Variants in CDC7 observed in about 807,000 individuals in gnomAD.
CDC7 encodes cell division cycle 7.
In CDC7, 34 loss-of-function variants were observed where a neutral mutation model predicts 53.5. The ratio of observed to expected loss-of-function variants is 0.64; its 90% CI spans 0.48 to 0.85. The LOEUF is 0.85. CDC7 is among the 40% of genes least tolerant of loss of function. The pLI is 0.00. For synonymous variants in CDC7, 211 were observed against 222.8 expected (o/e 0.95, Z 0.47); for missense variants, 594 against 679.7 (o/e 0.87, Z 1.40).
intron 11 of CDC7, among the ~76,000 whole-genome samples, chr1:91,523,573 C>T (rs993363589): frequency 1.3e-5 from 2 of 152,106 alleles, no homozygotes; most frequent in African/African-American, 4.8e-5. Context: ...GGTGTCAAGC[C>T]TCAGAGGTGA....
chr1:91,515,446 A>G (rs1057186685), intron 9 of CDC7, among the ~76,000 whole-genome samples: 1 of 152,130 alleles, frequency 6.6e-6, no homozygotes, highest in African/African-American at 2.4e-5. Flanking sequence ...TCAAATATAT[A>G]AGTGTATCTG....
chr1:91,503,604 A>T (rs1666821550), intron 2 of CDC7, among the ~76,000 whole-genome samples: 1 of 152,210 alleles, frequency 6.6e-6, no homozygotes, highest in Non-Finnish European at 1.5e-5. Context: ...ATAAAGTAAA[A>T]TACTTAGTGT....
rs1288237017 is a variant in CDC7, at chr1:91,513,252, T to A, written c.767T>A (p.Val256Asp). 6.2e-7 allele frequency: 1 copy of A among 1,613,522 alleles called. No homozygotes were observed. Among genetic ancestry groups the A allele is most frequent in the East Asian group, 2.2e-5 (1 of 44,872 alleles). Residue 256 changes from valine (V) to aspartate (D), a missense_variant, in exon 7 of 12, where the codon GTT (valine) becomes GAT (aspartate). Physicochemically the swap from Val to Asp is radical, Grantham distance 152. Transcript: ENST00000234626. The stretch of plus-strand genomic sequence containing the variant: ...CAGCAGTCCACCACAAAAGCTTCTG[T>A]TAAAAGACCCTACACAAATGCACAA... ...LDQQSTTKAS[V>D]KRPYTNAQIQ...
chr1:91,513,249 C>T lies in CDC7; in HGVS notation c.764C>T (p.Ser255Phe), dbSNP rs767565802. The change falls in exon 7 of 12, where the codon TCT becomes TTT. Residue 255 changes from serine to phenylalanine, a missense_variant. Physicochemically the swap from Ser to Phe is radical, Grantham distance 155 (BLOSUM62 -2). Transcript: ENST00000234626. ...ELDQQSTTKA[S>F]VKRPYTNAQI... Reference sequence around the variant, plus strand: ...GATCAGCAGTCCACCACAAAAGCTTCTGTTAAAAGACCCTACACAAATGCA... The same window carrying T: ...GATCAGCAGTCCACCACAAAAGCTTTTGTTAAAAGACCCTACACAAATGCA... 24 of 1,613,186 alleles carry T rather than the reference C, an allele frequency of 1.5e-5. No homozygotes were observed. The highest frequency in any genetic ancestry group is 1.8e-5 in the Non-Finnish European group (21 of 1,179,380).
intron 2 of CDC7, among the ~76,000 whole-genome samples, chr1:91,505,866 G>A (rs969086669): frequency 1.3e-5 from 2 of 152,196 alleles, no homozygotes; most frequent in East Asian, 3.8e-4. Context: ...TAAGTGAGTA[G>A]TGGTGTGGAA....
At position 91,513,050 on chromosome 1, in the gene CDC7, T is replaced by A. The variant is rs1557593444; in HGVS notation, c.573-8T>A. 1 of 1,610,374 alleles carries A rather than the reference T, an allele frequency of 6.2e-7. No homozygotes were observed. Among genetic ancestry groups the A allele is most frequent in the Middle Eastern group, 1.7e-4 (1 of 6,028 alleles). On this transcript the variant is annotated splice_region_variant and splice_polypyrimidine_tract_variant and intron_variant, in intron 6 of 11. Transcript: ENST00000234626. ...AGATAAGTAAAAATGCTTAATTTTG[T>A]CTCTTAGGTATGCCTTGGTAGACTT... is the stretch of plus-strand genomic sequence containing the variant.
In CDC7 at chr1:91,508,296, GT is replaced by G; in HGVS notation, c.236del (p.Leu79TyrfsTer3). ...FSSVYLATAQ[L>X]QVGPEEKIAL... ...GCTCTGTTTATTTGGCCACAGCACA[GT>G]TACAAGTAGGACCTGAAGAGAAAAT... On this transcript the variant is annotated frameshift_variant, in exon 4 of 12. Coordinates refer to ENST00000234626, the MANE Select transcript of CDC7 (RefSeq NM_003503.4). LOFTEE classifies it high-confidence loss of function. 6.2e-7 allele frequency: 1 copy of G among 1,612,136 alleles called. No individual in the cohort carries two copies. Among genetic ancestry groups the G allele is most frequent in the Non-Finnish European group, 8.5e-7 (1 of 1,178,882 alleles).
In CDC7 at chr1:91,501,838, G is replaced by A; in HGVS notation, c.115+7G>A. ...CAGAATTTTAAACTTGCAGGTACGTGTTTAAATCCAAAGATGTACAGTTAT... is the reference window on the plus strand; with the variant it reads ...CAGAATTTTAAACTTGCAGGTACGTATTTAAATCCAAAGATGTACAGTTAT... On this transcript the variant is annotated splice_region_variant and intron_variant, in intron 2 of 11. Transcript: ENST00000234626. 1 of 1,588,866 alleles carries A rather than the reference G, an allele frequency of 6.3e-7. No individual in the cohort carries two copies. The highest frequency in any genetic ancestry group is 8.6e-7 in the Non-Finnish European group (1 of 1,157,014).
At chr1:91,504,952 T>C (rs1666906208) in intron 2 of CDC7, among the ~76,000 whole-genome samples, 1 of 151,782 alleles carries the variant, frequency 6.6e-6, no homozygotes, top group Non-Finnish European at 1.5e-5. Flanking sequence ...AGACAGAGAG[T>C]AAACAAAAGA....
intron 2 of CDC7, among the ~76,000 whole-genome samples, chr1:91,503,619 G>T (rs901619918): frequency 3.3e-5 from 5 of 152,156 alleles, no homozygotes; most frequent in African/African-American, 1.2e-4. Context: ...TAGTGTAATG[G>T]ATGAATAGCA....
Position 91,513,238 on chromosome 1 carries a change from C to T in CDC7, c.753C>T (p.Thr251=), listed in dbSNP as rs1667374541. 6.2e-7 allele frequency: 1 copy of T among 1,613,170 alleles called. No homozygotes were observed. ...CTAAGGAGCTGGATCAGCAGTCCAC[C>T]ACAAAAGCTTCTGTTAAAAGACCCT... The part of the protein sequence containing the change: ...PVPKELDQQS[T]TKASVKRPYT... Residue 251 remains threonine, a synonymous_variant, in exon 7 of 12, where the codon ACC becomes ACT. Transcript: ENST00000234626.
chr1:91,516,408 T>C (rs1667562029), intron 10 of CDC7, among the ~76,000 whole-genome samples: 1 of 152,182 alleles, frequency 6.6e-6, no homozygotes, highest in Non-Finnish European at 1.5e-5. Flanking sequence ...ACCATGGAGC[T>C]GGAATCCAGG....
chr1:91,501,667 C>A lies in CDC7; in HGVS notation c.-50C>A, dbSNP rs755240536. 1 of 1,303,208 alleles carries A rather than the reference C, an allele frequency of 7.7e-7. No individual in the cohort carries two copies. The highest frequency in any genetic ancestry group is 2.3e-5 in the East Asian group (1 of 43,452). 80.7% of individuals were successfully genotyped at this position (1,303,208 alleles called of 1,614,324 possible). On this transcript the variant is annotated 5_prime_UTR_variant, in exon 2 of 12. Coordinates refer to ENST00000234626, the MANE Select transcript of CDC7 (RefSeq NM_003503.4). Reference sequence around the variant, plus strand: ...TAATTTTCACAGCTGCTTTGCTCCCCCTGTGGATGTAACCCCTTAGCTGGC... The same window carrying A: ...TAATTTTCACAGCTGCTTTGCTCCCACTGTGGATGTAACCCCTTAGCTGGC...
At chr1:91,511,302 T>G (rs544798222) in intron 4 of CDC7, among the ~76,000 whole-genome samples, 1 of 152,276 alleles carries the variant, frequency 6.6e-6, no homozygotes, top group Non-Finnish European at 1.5e-5. Context: ...CCATCTTATC[T>G]GCTAAGTCTT....
At position 91,501,692 on chromosome 1, in the gene CDC7, C is replaced by T. The variant is rs926982856; in HGVS notation, c.-25C>T. ...CCTGTGGATGTAACCCCTTAGCTGG[C>T]ATTTTGCATCTCAATTGGCTTGTGA... On this transcript the variant is annotated 5_prime_UTR_variant, in exon 2 of 12. Transcript: ENST00000234626. 13 of 1,546,674 alleles carry T rather than the reference C, an allele frequency of 8.4e-6. No homozygotes were observed. The highest frequency in any genetic ancestry group is 1.2e-5 in the Non-Finnish European group (13 of 1,119,714).
intron 9 of CDC7, 90 bp downstream of exon 9, chr1:91,515,087 G>A (rs1452027767): frequency 3.1e-6 from 3 of 963,600 alleles, no homozygotes; most frequent in East Asian, 5.0e-5. Flanking sequence ...GAGTGCAAGG[G>A]ATCAGTTCAG....
At chr1:91,505,634 A>G (rs1666946452) in intron 2 of CDC7, among the ~76,000 whole-genome samples, 1 of 152,182 alleles carries the variant, frequency 6.6e-6, no homozygotes, top group South Asian at 2.1e-4. Context: ...CCAGTCCTCA[A>G]AGTCTGTTTC....
At chr1:91,510,243 T>A (rs1054169466) in intron 4 of CDC7, among the ~76,000 whole-genome samples, 16 of 152,190 alleles carry the variant, frequency 1.1e-4, no homozygotes, top group Middle Eastern at 6.8e-3. Flanking sequence ...AAGAGTGACA[T>A]TGCTTGAAAG....
intron 11 of CDC7, 116 bp from the exon 12 acceptor site, chr1:91,523,925 T>TCC (rs1364167901): frequency 3.1e-6 from 2 of 654,708 alleles, no homozygotes; most frequent in Non-Finnish European, 5.2e-6. Flanking sequence ...TGTGTGTGTG[T>TCC]CCATGTCTAT....
Sources: allele counts gnomAD v4.1 joint callset (sites outside exome capture counted in the v4.1 genomes callset), GRCh38; gene constraint gnomAD v4.1.1; transcripts MANE v1.5; gene names NCBI Gene and HGNC (gene_info 2026-07-23, HGNC 2026-07-21).